Variants in FHL5 observed in about 807,000 individuals in gnomAD.
The protein encoded by FHL5 is four and a half LIM domains protein 5.
In FHL5, 33 loss-of-function variants were observed where a neutral mutation model predicts 32.0. The ratio of observed to expected loss-of-function variants is 1.03; its 90% CI spans 0.78 to 1.38. The LOEUF (loss-of-function observed/expected upper bound fraction) is 1.38, where lower values mean the gene tolerates loss of function less well. FHL5 is among the 40% of genes most tolerant of loss of function. FHL5 has a pLI of 0.00. For missense variants in FHL5, 336 were observed against 343.9 expected (o/e 0.98, Z 0.18); for synonymous variants, 114 against 113.6 (o/e 1.00, Z -0.02).
intron 1 of FHL5, among the ~76,000 whole-genome samples, chr6:96,569,759 C>G (rs1770435486): frequency 7.6e-6 from 1 of 131,616 alleles, no homozygotes; most frequent in Non-Finnish European, 1.7e-5. Flanking sequence ...TTTTTCCATC[C>G]CTTATTTTTA....
At position 96,615,953 on chromosome 6, in the gene FHL5, G is replaced by C; in HGVS notation, c.*181G>C. 1 of 462,662 alleles carries C rather than the reference G, an allele frequency of 2.2e-6. No homozygotes were observed. Among genetic ancestry groups the C allele is most frequent in the Non-Finnish European group, 3.8e-6 (1 of 264,778 alleles). The allele number at this position is 462,662 out of a possible 1,614,324, so 28.7% of individuals were successfully genotyped here. On this transcript the variant is annotated 3_prime_UTR_variant, in exon 6 of 6. Transcript: ENST00000450218. ...AGCACACAAAAAGCACAGTAGAACAGAAATGAATATATGCTAAATCACAAA... is the reference window on the plus strand; with the variant it reads ...AGCACACAAAAAGCACAGTAGAACACAAATGAATATATGCTAAATCACAAA...
chr6:96,597,938 A>G (rs1184083102), intron 1 of FHL5, among the ~76,000 whole-genome samples: 1 of 152,194 alleles, frequency 6.6e-6, no homozygotes, highest in Non-Finnish European at 1.5e-5. Flanking sequence ...TCAAATGAGC[A>G]TAATAATAAT....
At chr6:96,568,832 A>G (rs1455991091) in intron 1 of FHL5, among the ~76,000 whole-genome samples, 2 of 151,680 alleles carry the variant, frequency 1.3e-5, no homozygotes, top group Non-Finnish European at 3.0e-5. Context: ...TCCTGATTTT[A>G]TTGGGACCTT....
chr6:96,603,715 T>C lies in FHL5; in HGVS notation c.102T>C (p.Asp34=), dbSNP rs770634526. The C allele has an allele frequency of 1.4e-5, 22 of 1,612,294 alleles. No homozygotes were observed. Among genetic ancestry groups the C allele is most frequent in the Non-Finnish European group, 1.9e-5 (22 of 1,179,096 alleles). The change falls in exon 2 of 6, where the codon GAT becomes GAC. Residue 34 remains aspartate, a synonymous_variant. Transcript: ENST00000450218. ...GTCCATACTGTGTTACATGTTATGA[T>C]CGTGTATTTTCTAACTATTGCGAGG... ...DDSPYCVTCY[D]RVFSNYCEEC... is the part of the protein sequence containing the mutation.
At chr6:96,598,476 G>A (rs970798174) in intron 1 of FHL5, among the ~76,000 whole-genome samples, 3 of 152,148 alleles carry the variant, frequency 2.0e-5, no homozygotes, top group Non-Finnish European at 4.4e-5. Context: ...AAAATTCATT[G>A]AGATGCCACT....
chr6:96,613,260 T>TA (rs1388632396), intron 5 of FHL5, among the ~76,000 whole-genome samples: 2 of 152,200 alleles, frequency 1.3e-5, no homozygotes, highest in East Asian at 1.9e-4. Flanking sequence ...ATTATTTTTT[T>TA]AAAAAGCTCT....
intron 1 of FHL5, among the ~76,000 whole-genome samples, chr6:96,577,650 G>C (rs1217017992): frequency 6.6e-6 from 1 of 152,184 alleles, no homozygotes; most frequent in Non-Finnish European, 1.5e-5. Context: ...ATTTTGTACA[G>C]CTAGAAGCAG....
intron 1 of FHL5, among the ~76,000 whole-genome samples, chr6:96,566,957 T>C (rs1434590843): frequency 6.6e-6 from 1 of 152,028 alleles, no homozygotes; most frequent in African/African-American, 2.4e-5. Flanking sequence ...CTCTGTTGAC[T>C]GTTTCCTTTG....
At chr6:96,579,931 G>A (rs1407682081) in intron 1 of FHL5, among the ~76,000 whole-genome samples, 7 of 152,290 alleles carry the variant, frequency 4.6e-5, no homozygotes, top group Non-Finnish European at 5.9e-5. Flanking sequence ...TCTAAAGTCT[G>A]TAGGGACCAC....
chr6:96,615,466 G>A, intron 5 of FHL5, 143 bp from the exon 6 acceptor site: 1 of 557,368 alleles, frequency 1.8e-6, no homozygotes, highest in East Asian at 3.4e-5. Context: ...ACAGGGCCAG[G>A]AAGCAGCATT....
chr6:96,577,344 C>T (rs1236247684), intron 1 of FHL5, among the ~76,000 whole-genome samples: 1 of 151,852 alleles, frequency 6.6e-6, no homozygotes, highest in Non-Finnish European at 1.5e-5. Context: ...CATCAATCTC[C>T]ACCATTCAAC....
rs567035524 is a variant in FHL5 at position 96,606,160 on chromosome 6, T to C, written c.504+89T>C. 67 of 1,084,848 alleles carry C rather than the reference T, an allele frequency of 6.2e-5. No homozygotes were observed. The African/African-American group carries it at 1.0e-3, about 16-fold the overall frequency. 67.2% of individuals were successfully genotyped at this position (1,084,848 alleles called of 1,614,324 possible). A position where few individuals can be genotyped will look rare whatever the true frequency, so the allele number is the denominator to read the frequency against. ...TATTTAGAATGAACTGATACTATTATGTTATATCTGTAATCAACACACCCA... is the reference window on the plus strand; with the variant it reads ...TATTTAGAATGAACTGATACTATTACGTTATATCTGTAATCAACACACCCA... On this transcript the variant is annotated intron_variant, in intron 4 of 5. Transcript: ENST00000450218.
chr6:96,610,437 A>G, intron 4 of FHL5, 135 bp from the exon 5 acceptor site: 1 of 670,474 alleles, frequency 1.5e-6, no homozygotes, highest in Non-Finnish European at 2.6e-6. Context: ...TGTGGCATAG[A>G]AGACATGAAA....
At chr6:96,604,205 A>G (rs1284861738) in intron 2 of FHL5, among the ~76,000 whole-genome samples, 1 of 151,724 alleles carries the variant, frequency 6.6e-6, no homozygotes, top group Non-Finnish European at 1.5e-5. Context: ...CCCTATTGAT[A>G]CCTCTCACAC....
At chr6:96,578,870 T>TA (rs901921060) in intron 1 of FHL5, among the ~76,000 whole-genome samples, 1 of 151,982 alleles carries the variant, frequency 6.6e-6, no homozygotes, top group Non-Finnish European at 1.5e-5. Flanking sequence ...AAAAATAAAA[T>TA]AAAAATTGAT....
intron 1 of FHL5, among the ~76,000 whole-genome samples, chr6:96,591,303 T>G (rs1770911343): frequency 6.6e-6 from 1 of 152,190 alleles, no homozygotes; most frequent in Non-Finnish European, 1.5e-5. Flanking sequence ...AATAGTTTTA[T>G]TTATTTTAGA....
chr6:96,594,531 A>T (rs1013495107), intron 1 of FHL5, among the ~76,000 whole-genome samples: 1 of 151,782 alleles, frequency 6.6e-6, no homozygotes, highest in East Asian at 1.9e-4. Context: ...TTTCCCTTTC[A>T]TCTAATCTTT....
intron 1 of FHL5, among the ~76,000 whole-genome samples, chr6:96,598,023 T>A (rs1329556490): frequency 1.3e-5 from 2 of 152,332 alleles, no homozygotes; most frequent in East Asian, 3.9e-4. Flanking sequence ...TCAGCCTATA[T>A]GTTCAGGAAA....
intron 1 of FHL5, among the ~76,000 whole-genome samples, chr6:96,594,563 G>T (rs1215608932): frequency 1.3e-5 from 2 of 151,834 alleles, no homozygotes; most frequent in African/African-American, 2.4e-5. Flanking sequence ...ACAAGAATTT[G>T]TTGGGATTTG....
Sources: gnomAD v4.1 joint callset for allele counts (sites outside exome capture counted in the v4.1 genomes callset) on GRCh38, gnomAD v4.1.1 for gene constraint, MANE v1.5 for transcripts, NCBI Gene and HGNC (gene_info 2026-07-23, HGNC 2026-07-21) for gene names.